COL18A1: variants seen among roughly 807,000 people sequenced by gnomAD.
COL18A1 encodes collagen alpha-1(XVIII) chain.
In COL18A1, 133 loss-of-function variants were observed where a neutral mutation model predicts 168.0. The ratio of observed to expected loss-of-function variants is 0.79; its 90% CI spans 0.69 to 0.91. The LOEUF (loss-of-function observed/expected upper bound fraction) is 0.91. COL18A1 is among the 40% of genes least tolerant of loss of function. The probability of loss-of-function intolerance (pLI) is 0.00; values close to 1 mark genes in which losing one functional copy is unlikely to be tolerated. For missense variants in COL18A1, 2,126 were observed against 1,925.4 expected (o/e 1.10, Z -1.95); for synonymous variants, 949 against 809.0 (o/e 1.17, Z -2.94).
At chr21:45,494,704 G>T in intron 27 of COL18A1, 133 bp downstream of exon 27, 1 of 1,432,106 alleles carries the variant, frequency 7.0e-7, no homozygotes, top group South Asian at 1.2e-5. Context: ...AAAGCGTGTG[G>T]GGCAGGTGTC....
At chr21:45,422,528 C>T (rs8131523) in intron 2 of COL18A1, 67,193 of 520,730 alleles carry the variant, frequency 0.13, 5,299 homozygotes, top group African/African-American at 0.28. Flanking sequence ...ACGCACCTCG[C>T]GCCGTGCCAG....
rs771267104 is a variant in COL18A1, at chr21:45,468,328, G to A, written c.193G>A (p.Gly65Arg). The change falls in exon 3 of 42, where the codon GGG becomes AGG. Residue 65 changes from glycine to arginine, a missense_variant. Gly to Arg is a moderately radical substitution (Grantham distance 125). Coordinates refer to ENST00000651438, the MANE Select transcript of COL18A1 (RefSeq NM_001379500.1). Reference protein sequence around the residue: ...QVTQTDDPDVGLAYVFGPDAN... With the variant: ...QVTQTDDPDVRLAYVFGPDAN... ...CACCCAGACGGATGACCCCGACGTC[G>A]GGCTGGCCTACGTCTTTGGGCCAGA... The A allele has an allele frequency of 1.1e-5, 17 of 1,613,366 alleles. No homozygotes were observed. Among genetic ancestry groups the A allele is most frequent in the East Asian group, 6.7e-5 (3 of 44,894 alleles).
At chr21:45,506,267 A>C in intron 37 of COL18A1, 2 of 418,572 alleles carry the variant, frequency 4.8e-6, no homozygotes, top group African/African-American at 2.0e-5. Flanking sequence ...ACACCCGATA[A>C]TAAGACAAGG....
chr21:45,506,312 C>T (rs2037201603), intron 37 of COL18A1: 3 of 368,882 alleles, frequency 8.1e-6, no homozygotes, highest in African/African-American at 2.1e-5. Flanking sequence ...GGGGCTCAGG[C>T]CCTCCAGGGC....
chr21:45,487,088 C>A, intron 16 of COL18A1, 96 bp downstream of exon 16: 2 of 1,241,458 alleles, frequency 1.6e-6, no homozygotes, highest in Non-Finnish European at 2.2e-6. Context: ...GCAGCACGTC[C>A]TGGGCGGTGG....
intron 15 of COL18A1, among the ~76,000 whole-genome samples, chr21:45,483,473 C>T (rs1029273153): frequency 6.6e-6 from 1 of 152,124 alleles, no homozygotes; most frequent in Non-Finnish European, 1.5e-5. Flanking sequence ...ACCCCCCCAA[C>T]GACCCACTTC....
At chr21:45,439,107 G>A (rs2034298108) in intron 2 of COL18A1, among the ~76,000 whole-genome samples, 1 of 152,262 alleles carries the variant, frequency 6.6e-6, no homozygotes. Flanking sequence ...TGACCCTTAT[G>A]TGTCTGTTAA....
intron 3 of COL18A1, among the ~76,000 whole-genome samples, chr21:45,469,429 C>G (rs2035336163): frequency 6.6e-6 from 1 of 152,250 alleles, no homozygotes; most frequent in African/African-American, 2.4e-5. Context: ...GCACCTTTAA[C>G]AAAGGGTGCA....
At chr21:45,482,859 CT>C (rs1568912004) in intron 15 of COL18A1, 38 bp downstream of exon 15, 1 of 1,614,112 alleles carries the variant, frequency 6.2e-7, no homozygotes. Flanking sequence ...TCCCCTGCCC[CT>C]GGTGCCCACT....
chr21:45,455,011 C>T (rs1054153460), intron 2 of COL18A1, among the ~76,000 whole-genome samples: 7 of 152,360 alleles, frequency 4.6e-5, no homozygotes, highest in African/African-American at 1.4e-4. Flanking sequence ...ACGACTTGGG[C>T]AGCCATTGCA....
At chr21:45,482,944 C>A in intron 15 of COL18A1, 123 bp downstream of exon 15, 1 of 1,398,118 alleles carries the variant, frequency 7.2e-7, no homozygotes, top group Non-Finnish European at 1.0e-6. Flanking sequence ...TGGCCTTGAC[C>A]CCCACTCCTG....
intron 2 of COL18A1, among the ~76,000 whole-genome samples, chr21:45,441,437 G>T (rs970342634): frequency 6.6e-6 from 1 of 152,162 alleles, no homozygotes; most frequent in Non-Finnish European, 1.5e-5. Flanking sequence ...CATCCCAGGT[G>T]CCCCACCTGC....
chr21:45,493,698 A>G, intron 26 of COL18A1, 123 bp downstream of exon 26: 1 of 750,312 alleles, frequency 1.3e-6, no homozygotes, highest in Non-Finnish European at 2.2e-6. Context: ...GCAGGGCTCT[A>G]CCATCCAGGC....
chr21:45,497,709 C>T (rs2036590441), intron 32 of COL18A1, 48 bp downstream of exon 32: 2 of 1,549,742 alleles, frequency 1.3e-6, no homozygotes, highest in Non-Finnish European at 1.7e-6. Flanking sequence ...GCGTGGCCAG[C>T]ACTGAAGTGT....
Position 45,493,558 on chromosome 21 carries a change from G to A in COL18A1, c.2335G>A (p.Ala779Thr). ...CCCCGACGGCGGTGCCCTGGGCCCT[G>A]CCCAGAAAGGAGCCAAGGTGAGGGC... The part of the protein sequence containing the change: ...FSPDGGALGP[A>T]QKGAKGEPGF... Residue 779 changes from alanine (A) to threonine (T), a missense_variant, in exon 26 of 42, where the codon GCC becomes ACC. Ala to Thr is a moderately conservative substitution (Grantham distance 58). Transcript: ENST00000651438. The A allele has an allele frequency of 6.4e-7, 1 of 1,555,886 alleles. No homozygotes were observed. The highest frequency in any genetic ancestry group is 1.2e-5 in the South Asian group (1 of 84,410).
At chr21:45,436,689 GCTGAGGCTGCT>G (rs1471359498) in intron 2 of COL18A1, among the ~76,000 whole-genome samples, 1 of 151,812 alleles carries the variant, frequency 6.6e-6, no homozygotes. Context: ...TGGGGAGGGA[GCTGAGGCTGCT>G]CAGGGGACTG....
chr21:45,505,763 C>T lies in COL18A1; in HGVS notation c.3088-75C>T, dbSNP rs573045639. 31 of 1,178,262 alleles carry T rather than the reference C, an allele frequency of 2.6e-5. No homozygotes were observed. In the South Asian group the frequency reaches 2.7e-4, roughly 10 times the overall value. The allele number at this position is 1,178,262 out of a possible 1,614,324, so 73.0% of individuals were successfully genotyped here. The stretch of plus-strand genomic sequence containing the variant: ...GCGGCCCCTGCCCAGCACCCTGAAA[C>T]GGGCATTCCTTCCTTCCGCCCCTGC... On this transcript the variant is annotated intron_variant, in intron 36 of 41. Coordinates refer to ENST00000651438, the MANE Select transcript of COL18A1 (RefSeq NM_001379500.1).
chr21:45,479,913 G>A lies in COL18A1; in HGVS notation c.1260G>A (p.Gly420=), dbSNP rs916728052. The A allele has an allele frequency of 1.9e-6, 3 of 1,613,644 alleles. No individual in the cohort carries two copies. The African/African-American group carries it at 4.0e-5, about 22-fold the overall frequency. The change falls in exon 10 of 42, where the codon GGG becomes GGA. Residue 420 remains glycine (G), a synonymous_variant. Transcript: ENST00000651438. Reference sequence around the variant, plus strand: ...ATGTTGTGTTCCAGGGCGACACCGGGCCACAAGGCTTCCCCGGGACTCCAG... The same window carrying A: ...ATGTTGTGTTCCAGGGCGACACCGGACCACAAGGCTTCCCCGGGACTCCAG... ...PGEDGKPGDT[G]PQGFPGTPGD...
intron 2 of COL18A1, chr21:45,456,633 C>A (rs765396387): frequency 5.3e-5 from 81 of 1,538,128 alleles, no homozygotes; most frequent in Non-Finnish European, 6.5e-5. Context: ...CAGGTGCGGG[C>A]CGGGGCACGG....
Sources: allele counts gnomAD v4.1 joint callset (sites outside exome capture counted in the v4.1 genomes callset), GRCh38; gene constraint gnomAD v4.1.1; transcripts MANE v1.5; gene names NCBI Gene and HGNC (gene_info 2026-07-23, HGNC 2026-07-21).